Variants in TTC39B observed in about 807,000 individuals in gnomAD.
TTC39B encodes tetratricopeptide repeat domain 39B.
TTC39B carries 92 observed loss-of-function variants against 96.6 expected under a neutral mutation model. That is an observed-to-expected ratio of 0.95 (90% CI 0.80 to 1.13). The LOEUF (loss-of-function observed/expected upper bound fraction) is 1.13. TTC39B is among the 50% of genes most tolerant of loss of function. The pLI is 0.00. For missense variants in TTC39B, 955 were observed against 809.3 expected (o/e 1.18, Z -2.18); for synonymous variants, 367 against 299.4 (o/e 1.23, Z -2.33).
intron 18 of TTC39B, among the ~76,000 whole-genome samples, chr9:15,176,541 C>A (rs928739610): frequency 6.6e-6 from 1 of 152,156 alleles, no homozygotes; most frequent in Admixed American, 6.5e-5. Context: ...ACACAGAGCA[C>A]AGGATGTCCA....
intron 6 of TTC39B, among the ~76,000 whole-genome samples, chr9:15,209,150 A>C (rs1820042820): frequency 6.6e-6 from 1 of 152,178 alleles, no homozygotes; most frequent in Admixed American, 6.6e-5. Context: ...TACAATAGTG[A>C]CATTTGAAGG....
At chr9:15,247,395 G>T (rs55885939) in intron 2 of TTC39B, among the ~76,000 whole-genome samples, 2 of 152,108 alleles carry the variant, frequency 1.3e-5, no homozygotes, top group African/African-American at 4.8e-5. Context: ...TTAGAATCAA[G>T]ATGTGCTATA....
At chr9:15,259,285 G>A (rs1822863261) in intron 2 of TTC39B, among the ~76,000 whole-genome samples, 1 of 152,154 alleles carries the variant, frequency 6.6e-6, no homozygotes, top group Non-Finnish European at 1.5e-5. Context: ...CCAATTACCT[G>A]AGGACACCAC....
intron 17 of TTC39B, among the ~76,000 whole-genome samples, chr9:15,181,704 A>G (rs1459689647): frequency 6.6e-6 from 1 of 152,250 alleles, no homozygotes; most frequent in Non-Finnish European, 1.5e-5. Flanking sequence ...TTAGACAGCA[A>G]TAAGGAGGCA....
intron 7 of TTC39B, among the ~76,000 whole-genome samples, chr9:15,202,078 C>G (rs980908210): frequency 6.6e-6 from 1 of 152,118 alleles, no homozygotes; most frequent in African/African-American, 2.4e-5. Flanking sequence ...CTTTAAAAGG[C>G]TAAAGCAGCA....
In TTC39B at chr9:15,170,181, G is replaced by A. The variant is rs533117698; in HGVS notation, c.*1838C>T. On this transcript the variant is annotated 3_prime_UTR_variant, in exon 20 of 20. Transcript: ENST00000512701. ...TACTAATAACACATTGATATCTACC[G>A]CCATTGATATCTATCTTTCATTGGA... The A allele has an allele frequency of 6.1e-3, 49 of 8,082 alleles. No homozygotes were observed. The African/African-American group carries it at 0.082, about 13-fold the overall frequency. The allele number at this position is 8,082 out of a possible 1,614,324, so 0.5% of individuals were successfully genotyped here.
intron 1 of TTC39B, among the ~76,000 whole-genome samples, chr9:15,268,335 A>G (rs1345321650): frequency 6.6e-6 from 1 of 152,094 alleles, no homozygotes; most frequent in Non-Finnish European, 1.5e-5. Flanking sequence ...CCAAGTGAGC[A>G]TCCTCTGGGC....
chr9:15,232,261 A>C (rs1489735155), intron 2 of TTC39B: 1 of 152,700 alleles, frequency 6.5e-6, no homozygotes, highest in Non-Finnish European at 1.5e-5. Context: ...GACCAATATA[A>C]AACCTGCAGA....
At chr9:15,288,932 G>A (rs1435217934) in intron 1 of TTC39B, among the ~76,000 whole-genome samples, 1 of 152,226 alleles carries the variant, frequency 6.6e-6, no homozygotes, top group African/African-American at 2.4e-5. Flanking sequence ...GGGAGTCAGG[G>A]AACTCTCATA....
intron 8 of TTC39B, among the ~76,000 whole-genome samples, chr9:15,194,315 C>T (rs1819026214): frequency 6.6e-6 from 1 of 151,894 alleles, no homozygotes. Context: ...GGACTTTTTT[C>T]GTCTTAATGA....
At chr9:15,241,549 T>C (rs1398245691) in intron 2 of TTC39B, among the ~76,000 whole-genome samples, 1 of 152,096 alleles carries the variant, frequency 6.6e-6, no homozygotes, top group Non-Finnish European at 1.5e-5. Context: ...TTATAATTTA[T>C]AAAATCTAAC....
At chr9:15,284,095 T>A (rs949034733) in intron 1 of TTC39B, among the ~76,000 whole-genome samples, 1 of 152,128 alleles carries the variant, frequency 6.6e-6, no homozygotes, top group African/African-American at 2.4e-5. Flanking sequence ...CTACAGGTCA[T>A]AAGGAATAGA....
intron 3 of TTC39B, among the ~76,000 whole-genome samples, chr9:15,218,101 C>T (rs10961918): frequency 0.18 from 25,273 of 141,954 alleles, 2,275 homozygotes; most frequent in Middle Eastern, 0.25. Flanking sequence ...CCAACCACTG[C>T]GGAGGTTGCA....
At chr9:15,274,539 A>G (rs550259218) in intron 1 of TTC39B, among the ~76,000 whole-genome samples, 2 of 152,212 alleles carry the variant, frequency 1.3e-5, no homozygotes, top group Admixed American at 1.3e-4. Context: ...ATTAGCATCA[A>G]AGCAAGTCCT....
intron 1 of TTC39B, among the ~76,000 whole-genome samples, chr9:15,304,145 C>T (rs1824684179): frequency 6.6e-6 from 1 of 152,080 alleles, no homozygotes; most frequent in Non-Finnish European, 1.5e-5. Context: ...AATGGTAGCC[C>T]ATAAGTATGT....
chr9:15,235,105 A>C (rs1821717041), intron 2 of TTC39B, among the ~76,000 whole-genome samples: 1 of 152,152 alleles, frequency 6.6e-6, no homozygotes, highest in Non-Finnish European at 1.5e-5. Context: ...AATTCACTTA[A>C]GAAATTTCAA....
chr9:15,175,188 T>C lies in TTC39B; in HGVS notation c.1842-53A>G, dbSNP rs1817867970. 2.5e-6 allele frequency: 3 copies of C among 1,217,768 alleles called. No individual in the cohort carries two copies. In the Admixed American group the frequency reaches 5.3e-5, roughly 22 times the overall value. 75.4% of individuals were successfully genotyped at this position (1,217,768 alleles called of 1,614,324 possible). ...ATCTTAACAGAACAAGAAATACACA[T>C]TTTTCTAAATATATATTATTCCCAT... On this transcript the variant is annotated intron_variant, in intron 18 of 19. Transcript: ENST00000512701.
chr9:15,272,693 C>A (rs1175400748), intron 1 of TTC39B, among the ~76,000 whole-genome samples: 2 of 152,170 alleles, frequency 1.3e-5, no homozygotes, highest in African/African-American at 4.8e-5. Context: ...TGGAGTCAAG[C>A]ACCATTCTAT....
Position 15,306,112 on chromosome 9 carries a change from C to G in TTC39B, c.240+972G>C, listed in dbSNP as rs554426757. 6.6e-6 allele frequency among the ~76,000 whole-genome samples: 1 copy of G among 152,322 alleles called. No homozygotes were observed. The highest frequency in any genetic ancestry group is 1.5e-5 in the Non-Finnish European group (1 of 68,034). On this transcript the variant is annotated intron_variant, in intron 1 of 19. Transcript: ENST00000512701. The surrounding 1 kb of genome is among the most constrained non-coding windows in gnomAD (Gnocchi z 5.1). ...AACTTAACCGCCTCCTCCAGATCGT[C>G]CACTATTGCATCATTTGAAACCAAA...
Sources: gnomAD v4.1 joint callset for allele counts (sites outside exome capture counted in the v4.1 genomes callset) on GRCh38, gnomAD v4.1.1 for gene constraint, Gnocchi (gnomAD v3.1) non-coding constraint, MANE v1.5 for transcripts, NCBI Gene and HGNC (gene_info 2026-07-23, HGNC 2026-07-21) for gene names.